Variants in LTBP1 observed in about 807,000 individuals in gnomAD.
LTBP1 encodes latent-transforming growth factor beta-binding protein 1.
A neutral mutation model predicts 207.6 loss-of-function variants in LTBP1; 129 were observed. That is an observed-to-expected ratio of 0.62 (90% confidence interval 0.54 to 0.72). The LOEUF is 0.72. Among genes scored for constraint, LTBP1 ranks in the 30% least tolerant of loss-of-function variants. LTBP1 has a pLI of 0.00. For missense variants in LTBP1, 2,281 were observed against 2,217.2 expected (o/e 1.03, Z -0.58); for synonymous variants, 963 against 833.7 (o/e 1.16, Z -2.67).
intron 3 of LTBP1, among the ~76,000 whole-genome samples, chr2:33,040,506 T>A (rs903840901): frequency 5.3e-5 from 8 of 152,196 alleles, no homozygotes; most frequent in African/African-American, 1.9e-4. Context: ...CTTTTCCTAC[T>A]CCACAGAACC....
chr2:33,001,239 C>T (rs1374256858), intron 2 of LTBP1, among the ~76,000 whole-genome samples: 1 of 135,596 alleles, frequency 7.4e-6, no homozygotes, highest in Non-Finnish European at 1.6e-5. Context: ...ATGCTTTGTA[C>T]AAATCATAGT....
At chr2:33,076,540 C>A (rs1277344038) in intron 3 of LTBP1, among the ~76,000 whole-genome samples, 1 of 151,570 alleles carries the variant, frequency 6.6e-6, no homozygotes, top group Non-Finnish European at 1.5e-5. Context: ...AATTTCCCAT[C>A]CTTTTTTTTT....
intron 9 of LTBP1, among the ~76,000 whole-genome samples, chr2:33,230,489 C>T (rs1355345651): frequency 6.6e-6 from 1 of 152,158 alleles, no homozygotes; most frequent in South Asian, 2.1e-4. Context: ...TTATAATTTG[C>T]TTCATTTATC....
intron 3 of LTBP1, among the ~76,000 whole-genome samples, chr2:33,023,775 G>T (rs889814678): frequency 6.6e-6 from 1 of 152,186 alleles, no homozygotes; most frequent in African/African-American, 2.4e-5. Context: ...CAAAGCTATA[G>T]AATTAGCCCT....
chr2:32,980,716 T>C (rs1682631109), intron 2 of LTBP1, among the ~76,000 whole-genome samples: 1 of 152,218 alleles, frequency 6.6e-6, no homozygotes, highest in African/African-American at 2.4e-5. Flanking sequence ...TTAATGTCCT[T>C]TTCTTTCAGA....
At chr2:32,956,062 T>C (rs2148333357) in intron 2 of LTBP1, among the ~76,000 whole-genome samples, 1 of 152,326 alleles carries the variant, frequency 6.6e-6, no homozygotes, top group Middle Eastern at 3.4e-3. Flanking sequence ...GTGTATACCT[T>C]AATTAAAAAT....
chr2:32,958,069 G>A (rs867675581), intron 2 of LTBP1, among the ~76,000 whole-genome samples: 3 of 152,162 alleles, frequency 2.0e-5, no homozygotes, highest in Admixed American at 1.3e-4. Flanking sequence ...TGAATGACAG[G>A]CAGTATGGCT....
intron 32 of LTBP1, among the ~76,000 whole-genome samples, chr2:33,394,300 T>A (rs527441375): frequency 1.3e-5 from 2 of 152,220 alleles, no homozygotes; most frequent in Non-Finnish European, 2.9e-5. Context: ...TTTAGTCTAA[T>A]TAGATCCCAT....
At chr2:33,377,406 G>T (rs1002255318) in intron 31 of LTBP1, among the ~76,000 whole-genome samples, 1 of 152,174 alleles carries the variant, frequency 6.6e-6, no homozygotes, top group Non-Finnish European at 1.5e-5. Flanking sequence ...TGGGTTACTC[G>T]TTGGTGACAT....
At chr2:33,002,991 T>C (rs867886052) in intron 2 of LTBP1, among the ~76,000 whole-genome samples, 6 of 152,182 alleles carry the variant, frequency 3.9e-5, no homozygotes, top group African/African-American at 1.2e-4. Context: ...GCTGACCACT[T>C]TGGAAACATC....
At chr2:33,115,021 T>A in intron 4 of LTBP1, among the ~76,000 whole-genome samples, 1 of 142,042 alleles carries the variant, frequency 7.0e-6, no homozygotes, top group South Asian at 2.3e-4. Context: ...GATGAAGGGA[T>A]AAACAAACAG....
chr2:33,063,111 A>C (rs186442110), intron 3 of LTBP1: 3 of 152,248 alleles, frequency 2.0e-5, no homozygotes, highest in African/African-American at 7.2e-5. Flanking sequence ...TAAGTCTTCA[A>C]ATCAAGTTGT....
At chr2:33,075,690 A>G (rs1325418050) in intron 3 of LTBP1, among the ~76,000 whole-genome samples, 1 of 152,150 alleles carries the variant, frequency 6.6e-6, no homozygotes, top group East Asian at 1.9e-4. Context: ...CCTGTTACCA[A>G]TTTACCTACT....
At chr2:33,168,689 A>G (rs2085151954) in intron 5 of LTBP1, among the ~76,000 whole-genome samples, 1 of 152,082 alleles carries the variant, frequency 6.6e-6, no homozygotes, top group African/African-American at 2.4e-5. Flanking sequence ...TTAAAAGAAA[A>G]AAAAAAGGCA....
intron 5 of LTBP1, among the ~76,000 whole-genome samples, chr2:33,135,453 G>A (rs2082067524): frequency 6.6e-6 from 1 of 152,146 alleles, no homozygotes; most frequent in South Asian, 2.1e-4. Flanking sequence ...TGTAGAAAAG[G>A]ATACAGAGTT....
intron 12 of LTBP1, among the ~76,000 whole-genome samples, chr2:33,257,774 G>C (rs779229106): frequency 2.6e-5 from 4 of 152,158 alleles, no homozygotes; most frequent in African/African-American, 9.7e-5. Context: ...CTTTATCTTG[G>C]CGTTTATATC....
intron 2 of LTBP1, among the ~76,000 whole-genome samples, chr2:32,976,880 C>T (rs1010032081): frequency 6.6e-5 from 10 of 152,172 alleles, no homozygotes; most frequent in South Asian, 6.2e-4. Flanking sequence ...GGCTAGGAGC[C>T]GTGAGGGTGA....
intron 8 of LTBP1, among the ~76,000 whole-genome samples, chr2:33,221,500 A>C (rs1372489734): frequency 6.6e-6 from 1 of 152,170 alleles, no homozygotes; most frequent in African/African-American, 2.4e-5. Flanking sequence ...GCATATTCTG[A>C]GTGTAGCCCT....
intron 7 of LTBP1, among the ~76,000 whole-genome samples, chr2:33,201,582 A>T (rs61027556): frequency 2.0e-5 from 3 of 152,080 alleles, no homozygotes; most frequent in African/African-American, 7.2e-5. Flanking sequence ...TACATATGTA[A>T]CTAACCTGCA....
Sources: gnomAD v4.1 joint callset for allele counts (sites outside exome capture counted in the v4.1 genomes callset) on GRCh38, gnomAD v4.1.1 for gene constraint, MANE v1.5 for transcripts, NCBI Gene and HGNC (gene_info 2026-07-23, HGNC 2026-07-21) for gene names.